The following LUZP2 variants were observed in gnomAD, a reference collection of about 807,000 sequenced individuals.
The protein encoded by LUZP2 is leucine zipper protein 2.
LUZP2 carries 52 observed loss-of-function variants against 51.6 expected under a neutral mutation model. The ratio of observed to expected loss-of-function variants is 1.01; its 90% CI spans 0.81 to 1.27. The LOEUF is 1.27. LUZP2 is among the 50% of genes most tolerant of loss of function. The probability of loss-of-function intolerance (pLI) is 0.00; values close to 1 mark genes in which losing one functional copy is unlikely to be tolerated. For synonymous variants in LUZP2, 154 were observed against 137.3 expected (o/e 1.12, Z -0.85); for missense variants, 436 against 395.4 (o/e 1.10, Z -0.87).
intron 9 of LUZP2, among the ~76,000 whole-genome samples, chr11:24,995,491 C>T (rs1427370169): frequency 6.6e-6 from 1 of 152,090 alleles, no homozygotes; most frequent in Non-Finnish European, 1.5e-5. Context: ...TTTCTGGACT[C>T]ATCTTTCATC....
intron 1 of LUZP2, among the ~76,000 whole-genome samples, chr11:24,676,182 C>T (rs933124393): frequency 6.6e-6 from 1 of 152,106 alleles, no homozygotes; most frequent in South Asian, 2.1e-4. Flanking sequence ...TCTTCCTTAT[C>T]TTATGTGGCA....
At chr11:24,661,900 C>A (rs979442847) in intron 1 of LUZP2, among the ~76,000 whole-genome samples, 2 of 151,800 alleles carry the variant, frequency 1.3e-5, no homozygotes, top group African/African-American at 4.8e-5. Flanking sequence ...TAGACATATA[C>A]CACAAAGGAG....
chr11:24,982,757 A>G (rs1037239104), intron 8 of LUZP2, among the ~76,000 whole-genome samples: 1 of 151,762 alleles, frequency 6.6e-6, no homozygotes, highest in Non-Finnish European at 1.5e-5. Context: ...ATGTCCCCAA[A>G]CCTAAAATAA....
chr11:24,591,971 A>T (rs77075413), intron 1 of LUZP2, among the ~76,000 whole-genome samples: 1 of 152,208 alleles, frequency 6.6e-6, no homozygotes, highest in African/African-American at 2.4e-5. Context: ...TCAGCGAAGG[A>T]TGACTTTCCT....
At chr11:24,795,958 A>C (rs1459913725) in intron 5 of LUZP2, among the ~76,000 whole-genome samples, 1 of 152,122 alleles carries the variant, frequency 6.6e-6, no homozygotes, top group South Asian at 2.1e-4. Context: ...CTACTGTCCA[A>C]GAACTTCTCA....
chr11:24,510,487 A>C (rs988251559), intron 1 of LUZP2, among the ~76,000 whole-genome samples: 1 of 152,180 alleles, frequency 6.6e-6, no homozygotes, highest in African/African-American at 2.4e-5. Context: ...CCCAAATTAC[A>C]ATGCCTTAAA....
intron 4 of LUZP2, among the ~76,000 whole-genome samples, chr11:24,744,755 G>A (rs1859314695): frequency 6.6e-6 from 1 of 151,892 alleles, no homozygotes; most frequent in African/African-American, 2.4e-5. Context: ...CTGGGTTTGG[G>A]TTTGGTTTGT....
chr11:24,958,626 T>A (rs925162034), intron 7 of LUZP2, among the ~76,000 whole-genome samples: 4 of 152,112 alleles, frequency 2.6e-5, no homozygotes, highest in Admixed American at 6.6e-5. Context: ...TAAATTTGTT[T>A]GAGTTCATTG....
intron 1 of LUZP2, among the ~76,000 whole-genome samples, chr11:24,602,420 A>G (rs1284492441): frequency 6.9e-6 from 1 of 144,140 alleles, no homozygotes; most frequent in Non-Finnish European, 1.5e-5. Context: ...ACACACATAC[A>G]TCCCTATAAA....
At chr11:24,550,929 C>T (rs1272279433) in intron 1 of LUZP2, among the ~76,000 whole-genome samples, 1 of 151,738 alleles carries the variant, frequency 6.6e-6, no homozygotes, top group African/African-American at 2.4e-5. Context: ...GGCAAGAGAG[C>T]AAGATCCTGT....
At chr11:24,683,047 A>C (rs1856797860) in intron 1 of LUZP2, among the ~76,000 whole-genome samples, 2 of 152,190 alleles carry the variant, frequency 1.3e-5, no homozygotes, top group Non-Finnish European at 2.9e-5. Flanking sequence ...CTCATTGAAC[A>C]TCATATCAGC....
intron 5 of LUZP2, among the ~76,000 whole-genome samples, chr11:24,807,742 T>C (rs577225944): frequency 2.0e-5 from 3 of 152,052 alleles, no homozygotes; most frequent in Non-Finnish European, 4.4e-5. Flanking sequence ...AAAGAACTCC[T>C]CTAGAATGAG....
At chr11:24,618,509 G>A (rs11028069) in intron 1 of LUZP2, among the ~76,000 whole-genome samples, 5,043 of 152,146 alleles carry the variant, frequency 0.033, 111 homozygotes, top group South Asian at 0.11. Context: ...TATGTTTTTG[G>A]CATTGCTAGG....
At chr11:24,847,648 G>T (rs943013938) in intron 5 of LUZP2, among the ~76,000 whole-genome samples, 4 of 152,088 alleles carry the variant, frequency 2.6e-5, no homozygotes, top group African/African-American at 9.7e-5. Flanking sequence ...GAAATACGGG[G>T]TGGAGGGGGG....
chr11:24,827,481 T>C (rs11822141), intron 5 of LUZP2, among the ~76,000 whole-genome samples: 5,905 of 152,242 alleles, frequency 0.039, 279 homozygotes, highest in African/African-American at 0.11. Context: ...GTCACTGCAA[T>C]CTTGCAGTGA....
At chr11:24,833,791 A>G (rs745430082) in intron 5 of LUZP2, among the ~76,000 whole-genome samples, 5 of 151,954 alleles carry the variant, frequency 3.3e-5, no homozygotes, top group Non-Finnish European at 7.4e-5. Context: ...CTCCTCATGT[A>G]AGCATTTAAT....
chr11:24,588,677 A>G (rs1853156758), intron 1 of LUZP2, among the ~76,000 whole-genome samples: 1 of 152,036 alleles, frequency 6.6e-6, no homozygotes, highest in Middle Eastern at 3.4e-3. Context: ...TAATAGTAAT[A>G]CTAATATGAA....
At chr11:24,913,731 G>A (rs1853708999) in intron 6 of LUZP2, among the ~76,000 whole-genome samples, 1 of 151,068 alleles carries the variant, frequency 6.6e-6, no homozygotes, top group African/African-American at 2.4e-5. Flanking sequence ...TTCTTTTTCT[G>A]TTTGTTTGTT....
chr11:24,646,197 T>C (rs934674596), intron 1 of LUZP2, among the ~76,000 whole-genome samples: 25 of 152,126 alleles, frequency 1.6e-4, no homozygotes, highest in African/African-American at 5.5e-4. Context: ...TCTGTGTTTA[T>C]GTACACTGGG....
Sources: allele counts gnomAD v4.1 joint callset (sites outside exome capture counted in the v4.1 genomes callset), GRCh38; gene constraint gnomAD v4.1.1; transcripts MANE v1.5; gene names NCBI Gene and HGNC (gene_info 2026-07-23, HGNC 2026-07-21).